The following SMARCA4 variants were observed in gnomAD, a reference collection of about 807,000 sequenced individuals.
SMARCA4 encodes the protein SWI/SNF related BAF chromatin remodeling complex subunit ATPase 4.
Under a neutral mutation model 193.9 loss-of-function variants are expected in SMARCA4, and 31 were observed. That is an observed-to-expected ratio of 0.16 (90% CI 0.12 to 0.22). SMARCA4 has a LOEUF of 0.22. Among genes scored for constraint, SMARCA4 ranks in the 10% least tolerant of loss-of-function variants. The pLI, the probability that SMARCA4 is intolerant of heterozygous loss-of-function variation, is 1.00. For missense variants in SMARCA4, 1,148 were observed against 2,296.0 expected (o/e 0.50, Z 10.22); for synonymous variants, 942 against 933.1 (o/e 1.01, Z -0.17).
Position 10,986,076 on chromosome 19 carries a change from G to T in SMARCA4, c.356-113G>T. The T allele has an allele frequency of 2.2e-6, 2 of 915,290 alleles. No homozygotes were observed. The highest frequency in any genetic ancestry group is 2.7e-5 in the South Asian group (2 of 73,012). 56.7% of individuals were successfully genotyped at this position (915,290 alleles called of 1,614,324 possible). The stretch of plus-strand genomic sequence containing the variant: ...GTGCCCCTGGTTGACTCAAGAGAAG[G>T]ATGCCATTTGGCTGTGCCCTGTCTC... On this transcript the variant is annotated intron_variant, in intron 3 of 34. Transcript: ENST00000344626. The surrounding 1 kb of genome is among the most constrained non-coding windows in gnomAD (Gnocchi z 6.7).
Position 11,058,393 on chromosome 19 carries a change from A to G in SMARCA4, c.4533+30A>G, listed in dbSNP as rs376581636. 4,791 of 1,487,152 alleles carry G rather than the reference A, an allele frequency of 3.2e-3. 56 individuals carry two copies. Among genetic ancestry groups the G allele is most frequent in the South Asian group, 0.026 (2,316 of 88,336 alleles). 92.1% of individuals were successfully genotyped at this position (1,487,152 alleles called of 1,614,324 possible). ...CCCTGACGTTGTACCTGCGCCCCGC[A>G]TGTGCCCGGAGGGGAGTCTGACCCA... On this transcript the variant is annotated intron_variant, in intron 31 of 34. Transcript: ENST00000344626. The surrounding 1 kb of genome is among the most constrained non-coding windows in gnomAD (Gnocchi z 5.8).
intron 1 of SMARCA4, among the ~76,000 whole-genome samples, chr19:10,976,829 C>T (rs915704878): frequency 1.3e-5 from 2 of 150,032 alleles, no homozygotes; most frequent in Admixed American, 1.3e-4. Context: ...CCGAGGCAGG[C>T]GGATTGCCTG....
intron 16 of SMARCA4, among the ~76,000 whole-genome samples, chr19:11,017,781 C>T (rs568676283): frequency 4.6e-5 from 7 of 152,384 alleles, no homozygotes; most frequent in African/African-American, 1.7e-4. Context: ...CCGGTGGCTC[C>T]AAGATGCCAT....
chr19:10,963,060 C>T (rs558101823), intron 1 of SMARCA4, among the ~76,000 whole-genome samples: 1 of 152,150 alleles, frequency 6.6e-6, no homozygotes, highest in Non-Finnish European at 1.5e-5. Context: ...TGGAAGATCG[C>T]GTGACCATCT....
intron 16 of SMARCA4, 21 bp from the exon 17 acceptor site, chr19:11,018,936 C>A (rs201594748): frequency 6.2e-7 from 1 of 1,609,772 alleles, no homozygotes; most frequent in East Asian, 2.2e-5. Flanking sequence ...GCACTTGACT[C>A]TCATTTCCTT....
intron 19 of SMARCA4, 47 bp from the exon 20 acceptor site, chr19:11,023,471 C>T (rs1279507904): frequency 2.4e-6 from 3 of 1,235,704 alleles, no homozygotes; most frequent in Non-Finnish European, 3.6e-6. Flanking sequence ...CCTCTGTCGC[C>T]CTCCTTTGGA....
Position 11,034,091 on chromosome 19 carries a change from C to G in SMARCA4, c.3874-32C>G, listed in dbSNP as rs762466879. ...CGGCCGCCGCCCACCCCGGCCCCTC[C>G]TCAGCGGCACTGACAGTTTGCAATC... On this transcript the variant is annotated intron_variant, in intron 27 of 34. Coordinates refer to ENST00000344626, the MANE Select transcript of SMARCA4 (RefSeq NM_003072.5). The surrounding 1 kb of genome is among the most constrained non-coding windows in gnomAD (Gnocchi z 7.0). The G allele has an allele frequency of 4.4e-6, 7 of 1,586,048 alleles. No individual in the cohort carries two copies. In the Admixed American group the frequency reaches 1.2e-4, roughly 26 times the overall value.
chr19:11,061,530 C>G (rs938501820), intron 34 of SMARCA4, among the ~76,000 whole-genome samples: 3 of 152,096 alleles, frequency 2.0e-5, no homozygotes. Flanking sequence ...CGCCCGCCAC[C>G]ACGCCCGGCT....
At chr19:10,990,318 G>T (rs1342093212) in intron 7 of SMARCA4, among the ~76,000 whole-genome samples, 1 of 151,796 alleles carries the variant, frequency 6.6e-6, no homozygotes, top group African/African-American at 2.4e-5. Flanking sequence ...ATGCCGGGCT[G>T]ATTTTTTTGA....
chr19:11,028,044 T>C (rs2090386962), intron 24 of SMARCA4, 94 bp downstream of exon 24: 1 of 1,398,712 alleles, frequency 7.1e-7, no homozygotes, highest in Admixed American at 1.7e-5. Context: ...TGAGGCAGGG[T>C]GAGGCCCAGG....
At chr19:11,053,451 CA>C (rs34525605) in intron 30 of SMARCA4, among the ~76,000 whole-genome samples, 5,959 of 64,756 alleles carry the variant, frequency 0.092, 147 homozygotes, top group Non-Finnish European at 0.13. Flanking sequence ...GACTCCGTCT[CA>C]AAAAAAAAAA....
intron 13 of SMARCA4, among the ~76,000 whole-genome samples, chr19:11,004,862 C>T (rs977428801): frequency 2.0e-5 from 3 of 147,866 alleles, no homozygotes; most frequent in East Asian, 2.0e-4. Context: ...TTTTTTGAGA[C>T]GGAGTCTCGC....
intron 1 of SMARCA4, among the ~76,000 whole-genome samples, chr19:10,978,789 A>G (rs1009846514): frequency 2.0e-5 from 3 of 150,958 alleles, no homozygotes; most frequent in African/African-American, 7.3e-5. Flanking sequence ...AAATATATAT[A>G]TATATATATT....
intron 1 of SMARCA4, among the ~76,000 whole-genome samples, chr19:10,969,429 C>CT (rs888509233): frequency 1.8e-4 from 26 of 148,394 alleles, no homozygotes; most frequent in East Asian, 4.0e-4. Context: ...ATATTTCTTT[C>CT]TTTTTTTTTT....
At chr19:11,024,251 G>A (rs2090086361) in intron 20 of SMARCA4, 80 bp from the exon 21 acceptor site, 1 of 928,822 alleles carries the variant, frequency 1.1e-6, no homozygotes, top group Non-Finnish European at 1.8e-6. Flanking sequence ...AGGGCCGAGG[G>A]GGTCAGAGCT....
At position 11,041,229 on chromosome 19, in the gene SMARCA4, G is replaced by T; in HGVS notation, c.4171-78G>T. The T allele has an allele frequency of 2.7e-6, 4 of 1,486,038 alleles. No homozygotes were observed. The highest frequency in any genetic ancestry group is 2.5e-5 in the South Asian group (2 of 79,916). The allele number at this position is 1,486,038 out of a possible 1,614,324, so 92.1% of individuals were successfully genotyped here. ...GGGCCCTCCTCCGTGTCCCAGCCCG[G>T]CCCCTGGGATTGCGTCGCGGCCTCT... On this transcript the variant is annotated intron_variant, in intron 29 of 34. Transcript: ENST00000344626. This position sits in a 1 kb window ranked among gnomAD's most constrained non-coding sequence, Gnocchi z 5.6.
rs1313662153 is a variant in SMARCA4, at chr19:10,994,940, C to T, written c.1532C>T (p.Thr511Met). Residue 511 changes from threonine to methionine, a missense_variant, in exon 9 of 35, where the codon ACG (threonine) becomes ATG (methionine). By Grantham distance (81) the Thr-to-Met change is moderately conservative. Around this residue, in one of 17 missense-constraint regions of SMARCA4, gnomAD observed 69 missense variants for 186.9 expected, o/e 0.37. Transcript: ENST00000344626. Reference sequence around the variant, plus strand: ...GCAGTGGCCACGTACCATGCCAACACGGAGCGGGAGCAGAAGAAAGAGAAC... The same window carrying T: ...GCAGTGGCCACGTACCATGCCAACATGGAGCGGGAGCAGAAGAAAGAGAAC... ...TKAVATYHAN[T>M]EREQKKENER... 1.2e-6 allele frequency: 2 copies of T among 1,614,002 alleles called. No individual in the cohort carries two copies. Among genetic ancestry groups the T allele is most frequent in the African/African-American group, 1.3e-5 (1 of 74,928 alleles).
In SMARCA4 at chr19:11,003,159, G is replaced by A. The variant is rs2146099555; in HGVS notation, c.1943G>A (p.Gly648Glu). 4 of 1,614,142 alleles carry A rather than the reference G, an allele frequency of 2.5e-6. No individual in the cohort carries two copies. The highest frequency in any genetic ancestry group is 3.4e-6 in the Non-Finnish European group (4 of 1,180,048). ...QLEAWLEMNPGYEVAPRSDSE... is the reference protein window; with the variant it reads ...QLEAWLEMNPEYEVAPRSDSE... ...GAGGCCTGGCTCGAGATGAACCCGG[G>A]GTGAGTTGGGCCTTGCATTCCAGAT... Residue 648 changes from glycine to glutamate, a missense_variant and splice_region_variant, in exon 12 of 35, where the codon GGG becomes GAG. Gly to Glu is a moderately conservative substitution (Grantham distance 98, BLOSUM62 -2). Around this residue, in one of 17 missense-constraint regions of SMARCA4, gnomAD observed 115 missense variants for 175.1 expected, o/e 0.66. Coordinates refer to ENST00000344626, the MANE Select transcript of SMARCA4 (RefSeq NM_003072.5).
intron 1 of SMARCA4, among the ~76,000 whole-genome samples, chr19:10,963,888 T>C (rs1034395382): frequency 3.3e-5 from 5 of 151,840 alleles, no homozygotes; most frequent in Admixed American, 2.6e-4. Context: ...TGGACCATGA[T>C]TGAGCCACTG....
Sources: allele counts gnomAD v4.1 joint callset (sites outside exome capture counted in the v4.1 genomes callset), GRCh38; gene constraint gnomAD v4.1.1; regional missense constraint gnomAD v4.1.1; non-coding constraint Gnocchi (gnomAD v3.1); transcripts MANE v1.5; gene names NCBI Gene and HGNC (gene_info 2026-07-23, HGNC 2026-07-21).